Variants in MGAT5 observed in about 807,000 individuals in gnomAD.
The protein encoded by MGAT5 is alpha-1,6-mannosylglycoprotein 6-beta-N-acetylglucosaminyltransferase A.
In MGAT5, 30 loss-of-function variants were observed where a neutral mutation model predicts 94.3. The observed-to-expected ratio is 0.32, with a 90% confidence interval of 0.24 to 0.43. The LOEUF (loss-of-function observed/expected upper bound fraction) is 0.43, where lower values mean the gene tolerates loss of function less well. MGAT5 is among the 20% of genes least tolerant of loss of function. The pLI, the probability that MGAT5 is intolerant of heterozygous loss-of-function variation, is 1.00. For synonymous variants in MGAT5, 310 were observed against 322.9 expected, an observed-to-expected ratio of 0.96 and a Z score of 0.43; for missense variants, 691 against 905.5, an observed-to-expected ratio of 0.76 and a Z score of 3.04.
intron 4 of MGAT5, among the ~76,000 whole-genome samples, chr2:134,323,577 C>T (rs557153938): frequency 5.6e-4 from 85 of 152,208 alleles, no homozygotes; most frequent in Non-Finnish European, 1.0e-3. Flanking sequence ...CTTTTTGTTC[C>T]TGCTGTCTCC....
chr2:134,337,318 T>A (rs988373471), intron 5 of MGAT5, among the ~76,000 whole-genome samples: 1 of 152,130 alleles, frequency 6.6e-6, no homozygotes, highest in Non-Finnish European at 1.5e-5. Context: ...CTACAAAAAA[T>A]TTAAAAACTA....
intron 10 of MGAT5, among the ~76,000 whole-genome samples, chr2:134,391,572 G>T (rs939181047): frequency 3.3e-5 from 5 of 152,100 alleles, no homozygotes; most frequent in African/African-American, 1.2e-4. Context: ...TAGATCTCTG[G>T]TCTCTTCTTA....
chr2:134,167,573 C>T (rs74815925), intron 1 of MGAT5, among the ~76,000 whole-genome samples: 2,270 of 152,112 alleles, frequency 0.015, 48 homozygotes, highest in African/African-American at 0.051. Flanking sequence ...AGAACCACTG[C>T]GCTAAAGGAA....
chr2:134,392,785 C>T (rs1682489923), intron 10 of MGAT5, among the ~76,000 whole-genome samples: 1 of 152,234 alleles, frequency 6.6e-6, no homozygotes, highest in African/African-American at 2.4e-5. Flanking sequence ...ACAACTAGAG[C>T]TTAAAATTAG....
Position 134,402,996 on chromosome 2 carries a change from G to C in MGAT5, c.1389G>C (p.Lys463Asn). The change falls in exon 11 of 16, where the codon AAG (lysine) becomes AAC (asparagine). Residue 463 changes from lysine (K) to asparagine (N), a missense_variant. Transcript: ENST00000281923. Reference sequence around the variant, plus strand: ...CTTGTTTTCTTCTTTAGAATAAGAAGATCTACTTGGACATTATTCACACAT... The same window carrying C: ...CTTGTTTTCTTCTTTAGAATAAGAACATCTACTTGGACATTATTCACACAT... ...GKVDSFWKNK[K>N]IYLDIIHTYM... 6.3e-7 allele frequency: 1 copy of C among 1,589,262 alleles called. No homozygotes were observed. The highest frequency in any genetic ancestry group is 8.5e-7 in the Non-Finnish European group (1 of 1,172,226).
intron 12 of MGAT5, among the ~76,000 whole-genome samples, chr2:134,415,335 CT>C (rs1192744027): frequency 2.0e-5 from 3 of 152,164 alleles, no homozygotes; most frequent in Admixed American, 6.6e-5. Flanking sequence ...GTGATATCTC[CT>C]TGTGGTTTCA....
At chr2:134,136,962 G>A (rs1010123230) in intron 1 of MGAT5, among the ~76,000 whole-genome samples, 1 of 152,166 alleles carries the variant, frequency 6.6e-6, no homozygotes, top group Non-Finnish European at 1.5e-5. Flanking sequence ...TTGTCAGAAC[G>A]TTCCTCTAGC....
intron 2 of MGAT5, among the ~76,000 whole-genome samples, chr2:134,307,589 G>A (rs1686406926): frequency 6.6e-6 from 1 of 152,044 alleles, no homozygotes; most frequent in African/African-American, 2.4e-5. Context: ...ATGATTCTGT[G>A]GCAGGCCGTG....
chr2:134,274,258 T>C (rs1303433636), intron 2 of MGAT5, among the ~76,000 whole-genome samples: 1 of 152,250 alleles, frequency 6.6e-6, no homozygotes, highest in Non-Finnish European at 1.5e-5. Flanking sequence ...TTGGTTTCTA[T>C]TGGAGGGAAC....
At chr2:134,411,319 C>A (rs1271963440) in intron 11 of MGAT5, among the ~76,000 whole-genome samples, 3 of 152,156 alleles carry the variant, frequency 2.0e-5, no homozygotes, top group Admixed American at 2.0e-4. Context: ...CCATCACCCC[C>A]ACCCGTGATC....
At chr2:134,226,174 T>C (rs1681052131) in intron 1 of MGAT5, among the ~76,000 whole-genome samples, 2 of 152,234 alleles carry the variant, frequency 1.3e-5, no homozygotes, top group South Asian at 4.1e-4. Context: ...ATGTTATCTT[T>C]ACATCTTTAA....
intron 1 of MGAT5, among the ~76,000 whole-genome samples, chr2:134,189,620 T>TTTTTTTTTTTTTTTTTTA (rs67734279): frequency 7.2e-6 from 1 of 138,282 alleles, no homozygotes; most frequent in Non-Finnish European, 1.5e-5. Flanking sequence ...TTTTTTTTTT[T>TTTTTTTTTTTTTTTTTTA]AAGACAGAGT....
At chr2:134,388,166 C>T (rs1290502442) in intron 10 of MGAT5, among the ~76,000 whole-genome samples, 1 of 152,160 alleles carries the variant, frequency 6.6e-6, no homozygotes, top group Non-Finnish European at 1.5e-5. Context: ...TCTTTCTCTC[C>T]ACTTTGAGTA....
intron 1 of MGAT5, among the ~76,000 whole-genome samples, chr2:134,122,408 G>T (rs13395157): frequency 0.081 from 12,262 of 152,204 alleles, 768 homozygotes; most frequent in African/African-American, 0.18. Flanking sequence ...CCGGCCTAGC[G>T]CAAAGCTCTC....
intron 1 of MGAT5, among the ~76,000 whole-genome samples, chr2:134,260,334 T>A (rs1454617041): frequency 6.6e-6 from 1 of 152,228 alleles, no homozygotes. Context: ...AGCATAGGGC[T>A]TTTGGTTGCT....
intron 1 of MGAT5, among the ~76,000 whole-genome samples, chr2:134,143,356 C>A (rs1686751424): frequency 6.6e-6 from 1 of 152,192 alleles, no homozygotes; most frequent in Admixed American, 6.5e-5. Context: ...TTATTAATAT[C>A]TCAATTTGAG....
chr2:134,185,547 G>A (rs1688965539), intron 1 of MGAT5, among the ~76,000 whole-genome samples: 1 of 152,156 alleles, frequency 6.6e-6, no homozygotes, highest in Admixed American at 6.5e-5. Flanking sequence ...CAGCCAACAA[G>A]GGCCCTGTAT....
At chr2:134,168,377 T>C (rs774721297) in intron 1 of MGAT5, among the ~76,000 whole-genome samples, 3 of 152,206 alleles carry the variant, frequency 2.0e-5, no homozygotes, top group Non-Finnish European at 2.9e-5. Flanking sequence ...ATTTTGATTT[T>C]ATTGTATTTG....
intron 10 of MGAT5, among the ~76,000 whole-genome samples, chr2:134,386,082 A>G (rs1681953904): frequency 6.6e-6 from 1 of 152,174 alleles, no homozygotes; most frequent in African/African-American, 2.4e-5. Context: ...AATTCTCAAA[A>G]AGGTGTCAGG....
Sources: gnomAD v4.1 joint callset for allele counts (sites outside exome capture counted in the v4.1 genomes callset) on GRCh38, gnomAD v4.1.1 for gene constraint, MANE v1.5 for transcripts, NCBI Gene and HGNC (gene_info 2026-07-23, HGNC 2026-07-21) for gene names.